Variants in CDYL observed in about 807,000 individuals in gnomAD.
CDYL encodes chromodomain Y like, also known as chromodomain Y-like protein.
In CDYL, 8 loss-of-function variants were observed where a neutral mutation model predicts 47.3. That is an observed-to-expected ratio of 0.17 (90% CI 0.10 to 0.31). The LOEUF is 0.31. CDYL is among the 10% of genes least tolerant of loss of function. The pLI, the probability that CDYL is intolerant of heterozygous loss-of-function variation, is 1.00. For missense variants in CDYL, 471 were observed against 701.4 expected (o/e 0.67, Z 3.71); for synonymous variants, 266 against 265.0 (o/e 1.00, Z -0.04).
intron 2 of CDYL, among the ~76,000 whole-genome samples, chr6:4,907,218 C>T (rs1395649520): frequency 1.3e-5 from 2 of 152,112 alleles, no homozygotes; most frequent in Non-Finnish European, 2.9e-5. Flanking sequence ...GGTTGTCCTC[C>T]TACAGAAAGG....
intron 3 of CDYL, among the ~76,000 whole-genome samples, chr6:4,736,454 GGACA>G (rs1425651348): frequency 6.6e-6 from 1 of 152,170 alleles, no homozygotes; most frequent in Non-Finnish European, 1.5e-5. Flanking sequence ...AACCTGCCAA[GGACA>G]GACAAAGAAC....
intron 1 of CDYL, chr6:4,836,157 C>G: frequency 3.3e-6 from 1 of 300,508 alleles, no homozygotes; most frequent in Non-Finnish European, 4.9e-6. Flanking sequence ...GCTGAAATCA[C>G]CTGTCTTCTG....
intron 1 of CDYL, among the ~76,000 whole-genome samples, chr6:4,866,463 A>G (rs376843770): frequency 4.6e-5 from 7 of 152,124 alleles, no homozygotes; most frequent in African/African-American, 1.7e-4. Context: ...AAAGACTACA[A>G]ACAACTGCAT....
At chr6:4,865,011 T>G (rs530604866) in intron 1 of CDYL, among the ~76,000 whole-genome samples, 20 of 152,354 alleles carry the variant, frequency 1.3e-4, no homozygotes, top group African/African-American at 3.6e-4. Flanking sequence ...CTCTTATTCT[T>G]TGATTCTCCA....
chr6:4,822,247 C>T (rs567348574), intron 1 of CDYL, among the ~76,000 whole-genome samples: 21 of 152,218 alleles, frequency 1.4e-4, no homozygotes, highest in Non-Finnish European at 2.9e-4. Context: ...GATTCACCCA[C>T]CTCAGCCTCC....
chr6:4,949,965 A>G (rs1289687582), intron 5 of CDYL, among the ~76,000 whole-genome samples: 1 of 152,194 alleles, frequency 6.6e-6, no homozygotes, highest in African/African-American at 2.4e-5. Flanking sequence ...CCTGGAATGG[A>G]GAACACCGAA....
intron 1 of CDYL, among the ~76,000 whole-genome samples, chr6:4,791,383 AG>A (rs1758911947): frequency 6.6e-6 from 1 of 152,234 alleles, no homozygotes; most frequent in African/African-American, 2.4e-5. Context: ...CTCACTCTCT[AG>A]ACTTCTAGTA....
intron 1 of CDYL, among the ~76,000 whole-genome samples, chr6:4,841,728 C>T (rs1760495714): frequency 6.6e-6 from 1 of 151,802 alleles, no homozygotes; most frequent in African/African-American, 2.4e-5. Context: ...GAGTTGATTT[C>T]CAATTTTATT....
At chr6:4,723,576 G>C (rs577262014) in intron 2 of CDYL, among the ~76,000 whole-genome samples, 18 of 152,234 alleles carry the variant, frequency 1.2e-4, no homozygotes, top group African/African-American at 3.9e-4. Flanking sequence ...AACTCACCAC[G>C]ACCCAGCAGG....
intron 1 of CDYL, among the ~76,000 whole-genome samples, chr6:4,810,607 T>C (rs9504259): frequency 0.097 from 14,778 of 152,300 alleles, 764 homozygotes; most frequent in South Asian, 0.16. Flanking sequence ...CATAGTCCAT[T>C]TGGAGAGCTG....
At chr6:4,707,571 T>C (rs1757069951) in intron 1 of CDYL, among the ~76,000 whole-genome samples, 1 of 152,168 alleles carries the variant, frequency 6.6e-6, no homozygotes, top group Admixed American at 6.5e-5. Context: ...AGCCCCCGGC[T>C]GTCTGTTAAA....
chr6:4,816,851 A>G (rs546415618), intron 1 of CDYL, among the ~76,000 whole-genome samples: 37 of 152,234 alleles, frequency 2.4e-4, no homozygotes, highest in African/African-American at 8.2e-4. Flanking sequence ...TGGGGAAATG[A>G]TAATAAGCTG....
At chr6:4,851,186 G>A (rs927663587) in intron 1 of CDYL, among the ~76,000 whole-genome samples, 1 of 152,178 alleles carries the variant, frequency 6.6e-6, no homozygotes, top group African/African-American at 2.4e-5. Flanking sequence ...TTTGAGCTCT[G>A]TGCTAGTTCT....
chr6:4,749,355 G>T lies in CDYL; in HGVS notation c.186+14511G>T, dbSNP rs1410721605. Among the ~76,000 whole-genome samples the T allele has an allele frequency of 3.4e-4, 8 of 23,808 alleles. No individual in the cohort carries two copies. In the Non-Finnish European group the frequency reaches 6.8e-3, roughly 20 times the overall value. The allele number at this position is 23,808 out of a possible 152,430, so 15.6% of individuals were successfully genotyped here. A position where few individuals can be genotyped will look rare whatever the true frequency, so the allele number is the denominator to read the frequency against. On this transcript the variant is annotated intron_variant, in intron 3 of 8. Coordinates refer to the CDYL transcript ENST00000328908. ...TGGATGGATGGCTGGATATGAGATA[G>T]ATGGATGGATGGATGAATGGATATG...
intron 1 of CDYL, among the ~76,000 whole-genome samples, chr6:4,836,506 G>A (rs1477527414): frequency 3.3e-5 from 5 of 152,078 alleles, no homozygotes; most frequent in South Asian, 2.1e-4. Flanking sequence ...GTGTCCATTC[G>A]AGAGCATGGC....
intron 2 of CDYL, among the ~76,000 whole-genome samples, chr6:4,905,854 G>A (rs1045733918): frequency 1.5e-4 from 23 of 152,096 alleles, no homozygotes; most frequent in Admixed American, 3.3e-4. Context: ...TGCATAGATT[G>A]CATAGGGATC....
intron 1 of CDYL, among the ~76,000 whole-genome samples, chr6:4,854,388 A>G (rs1282512459): frequency 6.6e-6 from 1 of 152,138 alleles, no homozygotes; most frequent in Non-Finnish European, 1.5e-5. Context: ...ACCCCATCAG[A>G]TCACCAAGTT....
At chr6:4,898,674 G>A (rs572698648) in intron 2 of CDYL, among the ~76,000 whole-genome samples, 12 of 152,246 alleles carry the variant, frequency 7.9e-5, no homozygotes, top group African/African-American at 2.2e-4. Context: ...ATAGTGGTCC[G>A]CAAACCTGCG....
intron 1 of CDYL, among the ~76,000 whole-genome samples, chr6:4,879,528 A>G (rs1054167057): frequency 6.7e-6 from 1 of 148,434 alleles, no homozygotes; most frequent in African/African-American, 2.5e-5. Context: ...AGTAGTTATA[A>G]TATTTCCATT....
Sources: gnomAD v4.1 joint callset for allele counts (sites outside exome capture counted in the v4.1 genomes callset) on GRCh38, gnomAD v4.1.1 for gene constraint, MANE v1.5 for transcripts, NCBI Gene and HGNC (gene_info 2026-07-23, HGNC 2026-07-21) for gene names.